The following CRTAM variants were observed in gnomAD, a reference collection of about 807,000 sequenced individuals.
CRTAM encodes cytotoxic and regulatory T cell molecule.
A neutral mutation model predicts 50.0 loss-of-function variants in CRTAM; 44 were observed. That is an observed-to-expected ratio of 0.88 (90% CI 0.69 to 1.13). CRTAM has a LOEUF of 1.13. CRTAM is among the 50% of genes most tolerant of loss of function. The probability of loss-of-function intolerance (pLI) is 0.00; values close to 1 mark genes in which losing one functional copy is unlikely to be tolerated. For missense variants in CRTAM, 448 were observed against 457.5 expected, an observed-to-expected ratio of 0.98 and a Z score of 0.19; for synonymous variants, 159 against 169.3, an observed-to-expected ratio of 0.94 and a Z score of 0.47.
Position 122,871,213 on chromosome 11 carries a change from A to T in CRTAM, c.1052-56A>T, listed in dbSNP as rs1483753124. The T allele has an allele frequency of 2.0e-5, 30 of 1,498,452 alleles. No individual in the cohort carries two copies. The East Asian group carries it at 6.6e-4, about 33-fold the overall frequency. 92.8% of individuals were successfully genotyped at this position (1,498,452 alleles called of 1,614,324 possible). A position where few individuals can be genotyped will look rare whatever the true frequency, so the allele number is the denominator to read the frequency against. ...ATATCCAATCAAAGTGTTTCAAGTA[A>T]ATGGGTGCAATGTTATTCAAAATAA... is the stretch of plus-strand genomic sequence containing the variant. On this transcript the variant is annotated intron_variant, in intron 9 of 9. Coordinates refer to ENST00000227348, the MANE Select transcript of CRTAM (RefSeq NM_019604.4).
Position 122,872,580 on chromosome 11 carries a change from T to C in CRTAM, c.*1181T>C, listed in dbSNP as rs532671920. The C allele has an allele frequency of 3.3e-5, 5 of 152,792 alleles. No individual in the cohort carries two copies. The highest frequency in any genetic ancestry group is 1.2e-4 in the African/African-American group (5 of 41,586). 9.5% of individuals were successfully genotyped at this position (152,792 alleles called of 1,614,324 possible). Reference sequence around the variant, plus strand: ...GTTTATTTAAGCTATACAGCAAACTTTGGCATTTATGTGGAGCATTTCTCA... The same window carrying C: ...GTTTATTTAAGCTATACAGCAAACTCTGGCATTTATGTGGAGCATTTCTCA... On this transcript the variant is annotated 3_prime_UTR_variant, in exon 10 of 10. Transcript: ENST00000227348.
At chr11:122,858,859 A>G (rs1371235496) in intron 5 of CRTAM, among the ~76,000 whole-genome samples, 2 of 152,094 alleles carry the variant, frequency 1.3e-5, no homozygotes, top group Non-Finnish European at 2.9e-5. Context: ...AAAATGCGGA[A>G]TCTTGGTTTT....
intron 1 of CRTAM, among the ~76,000 whole-genome samples, chr11:122,848,091 G>T (rs780213334): frequency 6.6e-6 from 1 of 152,168 alleles, no homozygotes; most frequent in African/African-American, 2.4e-5. Context: ...CTCAGGCCTG[G>T]GGTCAGAAGA....
rs1003572623 is a variant in CRTAM at position 122,872,396 on chromosome 11, G to C, written c.*997G>C. The C allele has an allele frequency of 6.6e-6, 1 of 152,418 alleles. No homozygotes were observed. Among genetic ancestry groups the C allele is most frequent in the African/African-American group, 2.4e-5 (1 of 41,452 alleles). The allele number at this position is 152,418 out of a possible 1,614,324, so 9.4% of individuals were successfully genotyped here. On this transcript the variant is annotated 3_prime_UTR_variant, in exon 10 of 10. Coordinates refer to ENST00000227348, the MANE Select transcript of CRTAM (RefSeq NM_019604.4). ...GACCAATACATGTGCAAAAGAAAAT[G>C]ATGGGTTGAATTTACTGATTATTGA...
intron 5 of CRTAM, among the ~76,000 whole-genome samples, chr11:122,861,820 A>C (rs932292321): frequency 6.6e-6 from 1 of 152,082 alleles, no homozygotes; most frequent in African/African-American, 2.4e-5. Flanking sequence ...AAACCTGTTC[A>C]ATGACTGGTA....
At position 122,867,998 on chromosome 11, in the gene CRTAM, T is replaced by C; in HGVS notation, c.965-15T>C. The stretch of plus-strand genomic sequence containing the variant: ...TGGCATCAGAAATTAGTTGCTTGAT[T>C]TTCTTTTTTTGTAGAAAACGAAGTT... On this transcript the variant is annotated splice_polypyrimidine_tract_variant and intron_variant, in intron 8 of 9. Transcript: ENST00000227348. 6.5e-7 allele frequency: 1 copy of C among 1,540,828 alleles called. No homozygotes were observed. The highest frequency in any genetic ancestry group is 9.0e-7 in the Non-Finnish European group (1 of 1,115,856).
rs1565292597 is a variant in CRTAM, at chr11:122,863,264, AAG to A, written c.733+722_733+723del. 3.0e-4 allele frequency among the ~76,000 whole-genome samples: 12 copies of A among 40,126 alleles called. 1 individual carries two copies. Among genetic ancestry groups the A allele is most frequent in the Non-Finnish European group, 5.9e-4 (11 of 18,728 alleles). 26.3% of individuals were successfully genotyped at this position (40,126 alleles called of 152,430 possible). On this transcript the variant is annotated intron_variant, in intron 6 of 9. Transcript: ENST00000227348. ...AAGAAAGAAAGAGAGAAAGAAAAGAAAGAAAGAAAAAGAAAGAAAGAAAAAGA... is the reference window on the plus strand; with the variant it reads ...AAGAAAGAAAGAGAGAAAGAAAAGAAAAAGAAAAAGAAAGAAAGAAAAAGA...
intron 7 of CRTAM, among the ~76,000 whole-genome samples, chr11:122,866,607 CT>C (rs34105956): frequency 0.42 from 59,787 of 142,368 alleles, 14,393 homozygotes; most frequent in Middle Eastern, 0.57. Flanking sequence ...TTTAGAAAGC[CT>C]TTTTTTTTTT....
At chr11:122,860,280 C>T (rs1452683227) in intron 5 of CRTAM, among the ~76,000 whole-genome samples, 1 of 152,098 alleles carries the variant, frequency 6.6e-6, no homozygotes, top group Non-Finnish European at 1.5e-5. Flanking sequence ...GAACTCCCGG[C>T]CTCAGGTGAT....
rs757766998 is a variant in CRTAM, at chr11:122,864,694, C to A, written c.792C>A (p.Thr264=). 250 of 1,613,478 alleles carry A rather than the reference C, an allele frequency of 1.5e-4. No homozygotes were observed. Among genetic ancestry groups the A allele is most frequent in the Non-Finnish European group, 1.2e-4 (145 of 1,179,592 alleles). The change falls in exon 7 of 10, where the codon ACC becomes ACA. Residue 264 remains threonine, a synonymous_variant. Coordinates refer to ENST00000227348, the MANE Select transcript of CRTAM (RefSeq NM_019604.4). ...TTGACAAGGAAGAGAAAGAACAAAC[C>A]ACTCAAGATCCTGACTTGACCACCG... ...SEIDKEEKEQ[T]TQDPDLTTEA... is the part of the protein sequence containing the mutation.
chr11:122,846,910 A>G (rs561887767), intron 1 of CRTAM, among the ~76,000 whole-genome samples: 17 of 152,320 alleles, frequency 1.1e-4, no homozygotes, highest in African/African-American at 4.1e-4. Context: ...GTCCTGTAAC[A>G]CTGGGGAAGG....
At position 122,850,200 on chromosome 11, in the gene CRTAM, T is replaced by A. The variant is rs777836120; in HGVS notation, c.179T>A (p.Leu60Ter). Residue 60 changes from leucine (L) to a stop codon, truncating the protein, a stop_gained, in exon 2 of 10, where the codon TTA becomes TAA. Coordinates refer to ENST00000227348, the MANE Select transcript of CRTAM (RefSeq NM_019604.4). LOFTEE classifies it high-confidence loss of function. Reference sequence around the variant, plus strand: ...ACCCCCTCAGGGTTCACCATTTTTTTAAATGAGTATCCTGGTAAGTGAAAG... The same window carrying A: ...ACCCCCTCAGGGTTCACCATTTTTTAAAATGAGTATCCTGGTAAGTGAAAG... The part of the protein sequence containing the change: ...WLTPSGFTIF[L>*]NEYPALKNSK... 2.9e-5 allele frequency: 47 copies of A among 1,608,372 alleles called. No individual in the cohort carries two copies. The highest frequency in any genetic ancestry group is 4.0e-5 in the African/African-American group (3 of 74,734).
intron 4 of CRTAM, among the ~76,000 whole-genome samples, chr11:122,854,935 T>C (rs1445312037): frequency 6.6e-6 from 1 of 152,172 alleles, no homozygotes; most frequent in Non-Finnish European, 1.5e-5. Flanking sequence ...GACATTACCT[T>C]TGATATCTAT....
chr11:122,841,978 G>A lies in CRTAM; in HGVS notation c.46+3386G>A, dbSNP rs943065357. Among the ~76,000 whole-genome samples the A allele has an allele frequency of 7.2e-5, 11 of 152,308 alleles. No individual in the cohort carries two copies. The South Asian group carries it at 1.7e-3, about 23-fold the overall frequency. On this transcript the variant is annotated intron_variant, in intron 1 of 9. Coordinates refer to ENST00000227348, the MANE Select transcript of CRTAM (RefSeq NM_019604.4). The stretch of plus-strand genomic sequence containing the variant: ...TGTGTAATTTGAGTTGAGCCTATAA[G>A]TTGAGTCTTGAGTTGGGTCTTAATG...
chr11:122,867,386 C>G, intron 7 of CRTAM, 23 bp from the exon 8 acceptor site: 1 of 1,572,790 alleles, frequency 6.4e-7, no homozygotes, highest in East Asian at 2.3e-5. Flanking sequence ...AGTATCTAAA[C>G]TCCTTTTTCA....
At chr11:122,845,331 G>A (rs117749070) in intron 1 of CRTAM, among the ~76,000 whole-genome samples, 74 of 152,258 alleles carry the variant, frequency 4.9e-4, no homozygotes, top group Non-Finnish European at 8.7e-4. Flanking sequence ...AGATTTCAAC[G>A]AGGTAGTGGA....
intron 1 of CRTAM, among the ~76,000 whole-genome samples, chr11:122,839,831 T>C (rs369229289): frequency 7.2e-5 from 11 of 152,338 alleles, no homozygotes; most frequent in African/African-American, 2.6e-4. Flanking sequence ...GGACGCTACT[T>C]TAAAAAACTC....
At chr11:122,861,886 A>C (rs1591355463) in intron 5 of CRTAM, among the ~76,000 whole-genome samples, 1 of 152,228 alleles carries the variant, frequency 6.6e-6, no homozygotes, top group East Asian at 1.9e-4. Context: ...TTAATGTTAT[A>C]CAATAACATT....
chr11:122,871,493 A>G lies in CRTAM; in HGVS notation c.*94A>G. Reference sequence around the variant, plus strand: ...AAGGAGCTTAATTGCTGAGACATTAATAATGACCTCTTAGTGCAATGCAAG... The same window carrying G: ...AAGGAGCTTAATTGCTGAGACATTAGTAATGACCTCTTAGTGCAATGCAAG... On this transcript the variant is annotated 3_prime_UTR_variant, in exon 10 of 10. Transcript: ENST00000227348. 1.8e-6 allele frequency: 2 copies of G among 1,096,858 alleles called. No homozygotes were observed. The highest frequency in any genetic ancestry group is 1.7e-5 in the South Asian group (1 of 58,496). 67.9% of individuals were successfully genotyped at this position (1,096,858 alleles called of 1,614,324 possible). A position where few individuals can be genotyped will look rare whatever the true frequency, so the allele number is the denominator to read the frequency against.
Sources: gnomAD v4.1 joint callset for allele counts (sites outside exome capture counted in the v4.1 genomes callset) on GRCh38, gnomAD v4.1.1 for gene constraint, MANE v1.5 for transcripts, NCBI Gene and HGNC (gene_info 2026-07-23, HGNC 2026-07-21) for gene names.